Variants in COL4A2 observed in about 807,000 individuals in gnomAD.
COL4A2 encodes the protein collagen type IV alpha 2 chain.
A neutral mutation model predicts 200.2 loss-of-function variants in COL4A2; 99 were observed. That is an observed-to-expected ratio of 0.49 (90% CI 0.42 to 0.58). The LOEUF (loss-of-function observed/expected upper bound fraction) is 0.58. Among genes scored for constraint, COL4A2 ranks in the 20% least tolerant of loss-of-function variants. COL4A2 has a pLI of 0.00. For missense variants in COL4A2, 1,950 were observed against 2,314.1 expected, an observed-to-expected ratio of 0.84 and a Z score of 3.23; for synonymous variants, 897 against 900.6, an observed-to-expected ratio of 1.00 and a Z score of 0.07.
At chr13:110,387,799 C>G (rs1398660163) in intron 4 of COL4A2, among the ~76,000 whole-genome samples, 1 of 152,218 alleles carries the variant, frequency 6.6e-6, no homozygotes, top group African/African-American at 2.4e-5. Flanking sequence ...AGGCCCCTCC[C>G]GCCCAGCTGC....
At chr13:110,390,317 C>G (rs1416917043) in intron 4 of COL4A2, among the ~76,000 whole-genome samples, 1 of 152,248 alleles carries the variant, frequency 6.6e-6, no homozygotes, top group Non-Finnish European at 1.5e-5. Context: ...TCCAGGAAGA[C>G]TTCCATGGAA....
chr13:110,326,720 C>G (rs1031471029), intron 3 of COL4A2, among the ~76,000 whole-genome samples: 1 of 152,172 alleles, frequency 6.6e-6, no homozygotes, highest in African/African-American at 2.4e-5. Context: ...TCCTGGTCTG[C>G]TGGGAGGTGC....
At chr13:110,332,059 A>T (rs1205046044) in intron 3 of COL4A2, among the ~76,000 whole-genome samples, 1 of 152,196 alleles carries the variant, frequency 6.6e-6, no homozygotes, top group African/African-American at 2.4e-5. Flanking sequence ...AAATTTTACA[A>T]TAGATTCTGT....
chr13:110,505,864 G>A lies in COL4A2; in HGVS notation c.4403-551G>A, dbSNP rs534300220. ...TCCGGACACTTCCAACGCCAGGCACGTTGGGCACATCCTGAGGGGCACATG... is the reference window on the plus strand; with the variant it reads ...TCCGGACACTTCCAACGCCAGGCACATTGGGCACATCCTGAGGGGCACATG... On this transcript the variant is annotated intron_variant, in intron 45 of 47. Coordinates refer to ENST00000360467, the MANE Select transcript of COL4A2 (RefSeq NM_001846.4). 1.1e-4 allele frequency among the ~76,000 whole-genome samples: 16 copies of A among 152,260 alleles called. No individual in the cohort carries two copies. In the East Asian group the frequency reaches 1.5e-3, roughly 15 times the overall value.
Position 110,446,836 on chromosome 13 carries a change from C to T in COL4A2, c.1050C>T (p.Ala350=). Residue 350 remains alanine, a synonymous_variant, in exon 18 of 48, where the codon GCC becomes GCT. Coordinates refer to ENST00000360467, the MANE Select transcript of COL4A2 (RefSeq NM_001846.4). ...ACCCAGGGCCCCCTGGACTACCTGCCTACTCCCCTCACCCTTCCCTAGCAA... is the reference window on the plus strand; with the variant it reads ...ACCCAGGGCCCCCTGGACTACCTGCTTACTCCCCTCACCCTTCCCTAGCAA... ...AGDPGPPGLP[A]YSPHPSLAKG... The T allele has an allele frequency of 6.2e-7, 1 of 1,613,052 alleles. No individual in the cohort carries two copies. The highest frequency in any genetic ancestry group is 8.5e-7 in the Non-Finnish European group (1 of 1,179,098).
At chr13:110,467,224 T>G in intron 27 of COL4A2, 128 bp downstream of exon 27, 1 of 1,259,334 alleles carries the variant, frequency 7.9e-7, no homozygotes, top group South Asian at 1.5e-5. Flanking sequence ...GTCCAGCATC[T>G]CAGCACAAAC....
At chr13:110,409,099 C>T (rs1879721389) in intron 4 of COL4A2, among the ~76,000 whole-genome samples, 4 of 93,722 alleles carry the variant, frequency 4.3e-5, no homozygotes, top group Admixed American at 3.8e-4. Context: ...TACACACGGA[C>T]ACATACACAT....
In COL4A2 at chr13:110,389,711, A is replaced by C. The variant is rs1199352096; in HGVS notation, c.180+32159A>C. ...TCCAGGACTGCGGCTCCAAGAGGAA[A>C]GCTGGCCCCAGAAGCAGGCTGCTGT... On this transcript the variant is annotated intron_variant, in intron 4 of 47. Transcript: ENST00000360467. Among the ~76,000 whole-genome samples, 11 of 152,232 alleles carry C rather than the reference A, an allele frequency of 7.2e-5. No individual in the cohort carries two copies. The South Asian group carries it at 1.7e-3, about 23-fold the overall frequency.
intron 13 of COL4A2, among the ~76,000 whole-genome samples, chr13:110,437,341 C>T (rs1258027413): frequency 6.6e-6 from 1 of 152,144 alleles, no homozygotes; most frequent in East Asian, 1.9e-4. Flanking sequence ...CTCAATCTTC[C>T]GAGTCAAGTT....
intron 35 of COL4A2, 75 bp downstream of exon 35, chr13:110,489,583 C>A: frequency 6.3e-7 from 1 of 1,586,814 alleles, no homozygotes; most frequent in Non-Finnish European, 8.7e-7. Flanking sequence ...CAATTTCAGA[C>A]CTGCAAGTGC....
At chr13:110,465,334 G>A in intron 24 of COL4A2, 71 bp from the exon 25 acceptor site, 1 of 1,506,150 alleles carries the variant, frequency 6.6e-7, no homozygotes, top group East Asian at 2.3e-5. Context: ...AAATGGGAAA[G>A]GAAACAGGGA....
At chr13:110,356,372 C>T (rs1316841744) in intron 3 of COL4A2, among the ~76,000 whole-genome samples, 1 of 152,178 alleles carries the variant, frequency 6.6e-6, no homozygotes, top group African/African-American at 2.4e-5. Flanking sequence ...TGCCGACACC[C>T]CTCAAATGAA....
chr13:110,395,214 G>A (rs1387590461), intron 4 of COL4A2, among the ~76,000 whole-genome samples: 1 of 152,170 alleles, frequency 6.6e-6, no homozygotes, highest in Non-Finnish European at 1.5e-5. Flanking sequence ...GGCAACTTTG[G>A]AGCACAGTGG....
chr13:110,383,831 C>T (rs139660739), intron 4 of COL4A2, among the ~76,000 whole-genome samples: 458 of 152,140 alleles, frequency 3.0e-3, no homozygotes, highest in Middle Eastern at 0.01. Context: ...AGGCTGGTCT[C>T]GAACGCCTGG....
At chr13:110,458,684 C>G in intron 21 of COL4A2, 87 bp from the exon 22 acceptor site, 1 of 1,545,088 alleles carries the variant, frequency 6.5e-7, no homozygotes, top group Non-Finnish European at 8.8e-7. Flanking sequence ...AGTGTGCCAC[C>G]CAGCTCTCCC....
intron 4 of COL4A2, among the ~76,000 whole-genome samples, chr13:110,399,124 G>C (rs947964116): frequency 1.4e-4 from 21 of 152,162 alleles, no homozygotes; most frequent in African/African-American, 5.1e-4. Flanking sequence ...AGGAATGAAA[G>C]GGCATTGGGG....
chr13:110,332,055 T>C (rs544031841), intron 3 of COL4A2, among the ~76,000 whole-genome samples: 1 of 152,380 alleles, frequency 6.6e-6, no homozygotes, highest in African/African-American at 2.4e-5. Flanking sequence ...TTCTAAATTT[T>C]ACAATAGATT....
In COL4A2 at chr13:110,430,419, G is replaced by A; in HGVS notation, c.568G>A (p.Gly190Arg). 1 of 1,614,128 alleles carries A rather than the reference G, an allele frequency of 6.2e-7. No individual in the cohort carries two copies. Among genetic ancestry groups the A allele is most frequent in the Non-Finnish European group, 8.5e-7 (1 of 1,180,028 alleles). ...DRYRGEPGEP[G>R]LVGFQGPPGR... ...CCATTAGGGTGAACCTGGAGAGCCT[G>A]GATTGGTCGGTTTCCAGGTAAGTTT... The change falls in exon 9 of 48, where the codon GGA (glycine) becomes AGA (arginine). Residue 190 changes from glycine (G) to arginine (R), a missense_variant. Coordinates refer to ENST00000360467, the MANE Select transcript of COL4A2 (RefSeq NM_001846.4).
At chr13:110,479,283 A>T (rs915539020) in intron 30 of COL4A2, among the ~76,000 whole-genome samples, 3 of 145,034 alleles carry the variant, frequency 2.1e-5, no homozygotes, top group African/African-American at 7.6e-5. Context: ...AAAGGCTCCC[A>T]CTTGGCCTGG....
Sources: gnomAD v4.1 joint callset for allele counts (sites outside exome capture counted in the v4.1 genomes callset) on GRCh38, gnomAD v4.1.1 for gene constraint, MANE v1.5 for transcripts, NCBI Gene and HGNC (gene_info 2026-07-23, HGNC 2026-07-21) for gene names.